RIN3: variants seen among roughly 807,000 people sequenced by gnomAD.
RIN3 encodes the protein RAB5 interacting protein 3.
RIN3 carries 54 observed loss-of-function variants against 76.3 expected under a neutral mutation model. That is an observed-to-expected ratio of 0.71 (90% confidence interval 0.57 to 0.89). The LOEUF (loss-of-function observed/expected upper bound fraction) is 0.89. RIN3 is among the 40% of genes least tolerant of loss of function. The pLI, the probability that RIN3 is intolerant of heterozygous loss-of-function variation, is 0.00. For synonymous variants in RIN3, 576 were observed against 564.0 expected (o/e 1.02, Z -0.30); for missense variants, 1,256 against 1,322.1 (o/e 0.95, Z 0.78).
chr14:92,583,524 G>A (rs890464569), intron 3 of RIN3, among the ~76,000 whole-genome samples: 88 of 151,968 alleles, frequency 5.8e-4, no homozygotes, highest in Non-Finnish European at 6.2e-4. Context: ...CCACATCCAC[G>A]GATTTAATCA....
At chr14:92,541,453 CATT>C (rs1897131349) in intron 1 of RIN3, among the ~76,000 whole-genome samples, 1 of 152,174 alleles carries the variant, frequency 6.6e-6, no homozygotes, top group Non-Finnish European at 1.5e-5. Context: ...GAAGGATACT[CATT>C]ATACTCGGAT....
chr14:92,562,727 T>C (rs1364882120), intron 2 of RIN3, among the ~76,000 whole-genome samples: 1 of 152,158 alleles, frequency 6.6e-6, no homozygotes, highest in Admixed American at 6.5e-5. Context: ...CAATATAAGA[T>C]ACTCCATGCT....
intron 4 of RIN3, among the ~76,000 whole-genome samples, chr14:92,621,235 C>CAAAAAAAAAAA (rs572318532): frequency 0.1 from 7,333 of 70,364 alleles, 1,437 homozygotes; most frequent in East Asian, 0.17. Flanking sequence ...GACTCCGTCT[C>CAAAAAAAAAAA]AAAAAAAAAA....
chr14:92,674,516 T>C (rs1888393245), intron 7 of RIN3, among the ~76,000 whole-genome samples: 2 of 152,006 alleles, frequency 1.3e-5, no homozygotes, highest in Middle Eastern at 3.4e-3. Flanking sequence ...GGTGGAAAGA[T>C]TGCTTGAGCC....
At chr14:92,598,756 G>T (rs528174611) in intron 3 of RIN3, among the ~76,000 whole-genome samples, 35 of 152,300 alleles carry the variant, frequency 2.3e-4, no homozygotes, top group Admixed American at 2.0e-4. Context: ...TCATGCTACA[G>T]AAATAGCAGT....
chr14:92,561,736 G>A (rs1385412236), intron 2 of RIN3, among the ~76,000 whole-genome samples: 1 of 152,208 alleles, frequency 6.6e-6, no homozygotes, highest in African/African-American at 2.4e-5. Context: ...CCAATCTGGA[G>A]TGCAGTGGCG....
intron 1 of RIN3, among the ~76,000 whole-genome samples, chr14:92,540,037 T>C (rs1469421507): frequency 6.6e-6 from 1 of 152,186 alleles, no homozygotes; most frequent in Non-Finnish European, 1.5e-5. Context: ...GCGGGGCACC[T>C]AGCTGGAGTC....
intron 7 of RIN3, among the ~76,000 whole-genome samples, chr14:92,667,448 C>T (rs200116505): frequency 1.3e-5 from 2 of 151,210 alleles, no homozygotes; most frequent in African/African-American, 2.4e-5. Context: ...ACCCAGGAGG[C>T]GGAGGTTGCA....
intron 3 of RIN3, among the ~76,000 whole-genome samples, chr14:92,579,191 G>A (rs1259644984): frequency 6.6e-6 from 1 of 152,192 alleles, no homozygotes; most frequent in Non-Finnish European, 1.5e-5. Flanking sequence ...GCCTCCCTAA[G>A]TGCTGGGATT....
At chr14:92,535,709 C>G (rs1036751476) in intron 1 of RIN3, among the ~76,000 whole-genome samples, 6 of 132,122 alleles carry the variant, frequency 4.5e-5, no homozygotes, top group Non-Finnish European at 6.2e-5. Flanking sequence ...GAGTCTTGCT[C>G]TGTCGCCTAG....
In RIN3 at chr14:92,659,479, C is replaced by A; in HGVS notation, c.2335+10C>A. On this transcript the variant is annotated intron_variant, in intron 7 of 9. Coordinates refer to ENST00000216487, the MANE Select transcript of RIN3 (RefSeq NM_024832.5). ...GCCCTCGGCAACCCAGGTCAGTGGG[C>A]AGCCGGGAGGGGTCTGGGTGAGGAG... 6.3e-7 allele frequency: 1 copy of A among 1,587,098 alleles called. No homozygotes were observed. The highest frequency in any genetic ancestry group is 8.6e-7 in the Non-Finnish European group (1 of 1,167,222).
chr14:92,537,634 C>CTTTTTTTTTTTTT lies in RIN3; in HGVS notation c.45-18102_45-18090dup, dbSNP rs576683908. 7.9e-4 allele frequency among the ~76,000 whole-genome samples: 41 copies of CTTTTTTTTTTTTT among 51,638 alleles called. 3 individuals carry two copies. The highest frequency in any genetic ancestry group is 2.9e-3 in the African/African-American group (37 of 12,824). The allele number at this position is 51,638 out of a possible 152,430, so 33.9% of individuals were successfully genotyped here. A position where few individuals can be genotyped will look rare whatever the true frequency, so the allele number is the denominator to read the frequency against. Reference sequence around the variant, plus strand: ...CAGCTATAAGTGAGTGCCTTAGGGACTTTTTTTTTTTTTTTTTTTTTTTTT... The same window carrying CTTTTTTTTTTTTT: ...CAGCTATAAGTGAGTGCCTTAGGGACTTTTTTTTTTTTTTTTTTTTTTTTTTTTTTTTTTTTTT... On this transcript the variant is annotated intron_variant, in intron 1 of 9. Coordinates refer to ENST00000216487, the MANE Select transcript of RIN3 (RefSeq NM_024832.5).
intron 1 of RIN3, among the ~76,000 whole-genome samples, chr14:92,546,330 G>A (rs941620359): frequency 1.3e-5 from 2 of 152,100 alleles, no homozygotes; most frequent in Non-Finnish European, 2.9e-5. Flanking sequence ...TCGGGGGATT[G>A]GGATATCCAT....
chr14:92,657,361 A>G (rs1365166692), intron 6 of RIN3, among the ~76,000 whole-genome samples: 1 of 50,448 alleles, frequency 2.0e-5, no homozygotes, highest in Non-Finnish European at 4.6e-5. Flanking sequence ...ATTCTGTCTC[A>G]AAAAACAAAA....
At chr14:92,614,243 C>T (rs1189921833) in intron 3 of RIN3, among the ~76,000 whole-genome samples, 2 of 152,222 alleles carry the variant, frequency 1.3e-5, no homozygotes, top group Non-Finnish European at 2.9e-5. Context: ...CATTCAGGTT[C>T]TGAGAGGCCC....
chr14:92,545,675 G>A (rs1217171368), intron 1 of RIN3, among the ~76,000 whole-genome samples: 5 of 148,596 alleles, frequency 3.4e-5, no homozygotes, highest in South Asian at 2.1e-4. Context: ...CAATCTCCCC[G>A]GGCTCAGGTG....
At chr14:92,646,458 G>A (rs1022701625) in intron 5 of RIN3, among the ~76,000 whole-genome samples, 19 of 152,202 alleles carry the variant, frequency 1.2e-4, no homozygotes, top group Admixed American at 1.2e-3. Flanking sequence ...GTTTGAGATG[G>A]AGTCTCACTC....
At chr14:92,672,659 C>T (rs1888323290) in intron 7 of RIN3, among the ~76,000 whole-genome samples, 1 of 105,002 alleles carries the variant, frequency 9.5e-6, no homozygotes, top group South Asian at 3.0e-4. Flanking sequence ...TATGTGTGTG[C>T]ATGTGTGTGT....
At position 92,650,727 on chromosome 14, in the gene RIN3, C is replaced by T. The variant is rs180886888; in HGVS notation, c.533-855C>T. On this transcript the variant is annotated intron_variant, in intron 5 of 9. Coordinates refer to ENST00000216487, the MANE Select transcript of RIN3 (RefSeq NM_024832.5). ...CATCCCTGTGTGCTCTTTGGAGGGT[C>T]CTGAGCCTCCGTCAGATGCTTGGCA... 2.6e-5 allele frequency among the ~76,000 whole-genome samples: 4 copies of T among 152,342 alleles called. No individual in the cohort carries two copies. The East Asian group carries it at 7.7e-4, about 29-fold the overall frequency.
Sources: gnomAD v4.1 joint callset for allele counts (sites outside exome capture counted in the v4.1 genomes callset) on GRCh38, gnomAD v4.1.1 for gene constraint, MANE v1.5 for transcripts, NCBI Gene and HGNC (gene_info 2026-07-23, HGNC 2026-07-21) for gene names.